The following SMYD3 variants were observed in gnomAD, a reference collection of about 807,000 sequenced individuals.
SMYD3 encodes histone-lysine N-methyltransferase SMYD3.
In SMYD3, 36 loss-of-function variants were observed where a neutral mutation model predicts 57.7. The ratio of observed to expected loss-of-function variants is 0.62; its 90% CI spans 0.48 to 0.82. SMYD3 has a LOEUF of 0.82. SMYD3 is among the 40% of genes least tolerant of loss of function. SMYD3 has a pLI of 0.00. For synonymous variants in SMYD3, 211 were observed against 195.0 expected (o/e 1.08, Z -0.68); for missense variants, 515 against 538.8 (o/e 0.96, Z 0.44).
At chr1:245,803,204 A>T (rs1048461811) in intron 10 of SMYD3, among the ~76,000 whole-genome samples, 5 of 152,212 alleles carry the variant, frequency 3.3e-5, no homozygotes, top group African/African-American at 1.2e-4. Context: ...CCTGGGATTC[A>T]GTTATGAATG....
chr1:245,942,171 GAC>G (rs1375588738), intron 5 of SMYD3, among the ~76,000 whole-genome samples: 2 of 152,250 alleles, frequency 1.3e-5, no homozygotes, highest in East Asian at 3.9e-4. Context: ...CCAATTAAAA[GAC>G]ACAGAATGGC....
chr1:245,888,923 G>A lies in SMYD3; in HGVS notation c.814-25037C>T, dbSNP rs112258267. Among the ~76,000 whole-genome samples the A allele has an allele frequency of 3.4e-3, 521 of 152,266 alleles. 4 individuals carry two copies. The highest frequency in any genetic ancestry group is 0.012 in the African/African-American group (487 of 41,540). ...TGGTCACCTACCATCCCTAATACAC[G>A]GAGCTGCATTACATACTCCCTGTAG... On this transcript the variant is annotated intron_variant, in intron 8 of 11. Transcript: ENST00000490107.
intron 10 of SMYD3, among the ~76,000 whole-genome samples, chr1:245,803,503 A>G (rs1336812298): frequency 6.6e-6 from 1 of 152,210 alleles, no homozygotes; most frequent in African/African-American, 2.4e-5. Context: ...AAAGCCCCCC[A>G]GTGGCTGGGG....
intron 5 of SMYD3, among the ~76,000 whole-genome samples, chr1:246,194,008 A>G (rs1403492297): frequency 1.3e-5 from 2 of 152,234 alleles, no homozygotes; most frequent in African/African-American, 4.8e-5. Flanking sequence ...GTTCTCTTTC[A>G]TTTGGGGGTG....
At chr1:246,139,995 G>C (rs912082219) in intron 5 of SMYD3, among the ~76,000 whole-genome samples, 10 of 152,150 alleles carry the variant, frequency 6.6e-5, no homozygotes, top group Admixed American at 5.2e-4. Context: ...CTTTCATCAA[G>C]ATATTCTTTT....
At chr1:246,003,739 TATA>T (rs1274612340) in intron 5 of SMYD3, among the ~76,000 whole-genome samples, 4 of 152,262 alleles carry the variant, frequency 2.6e-5, no homozygotes, top group Non-Finnish European at 5.9e-5. Context: ...TTAAATTTAT[TATA>T]ATATGTAATA....
chr1:246,180,296 A>T (rs953351121), intron 5 of SMYD3, among the ~76,000 whole-genome samples: 3 of 146,002 alleles, frequency 2.1e-5, no homozygotes, highest in Non-Finnish European at 4.5e-5. Flanking sequence ...ACTTATATAT[A>T]TATAAGTATA....
chr1:246,142,795 G>C (rs1047513809), intron 5 of SMYD3, among the ~76,000 whole-genome samples: 1 of 152,172 alleles, frequency 6.6e-6, no homozygotes, highest in African/African-American at 2.4e-5. Context: ...GAGAGTTCTC[G>C]TAAGTATATT....
intron 5 of SMYD3, among the ~76,000 whole-genome samples, chr1:246,097,992 A>C (rs1018706023): frequency 6.6e-6 from 1 of 152,178 alleles, no homozygotes; most frequent in Non-Finnish European, 1.5e-5. Flanking sequence ...GTTTTGTCGT[A>C]GTGTTTTTGT....
intron 5 of SMYD3, among the ~76,000 whole-genome samples, chr1:246,017,528 A>C (rs1349439935): frequency 3.3e-5 from 5 of 152,160 alleles, no homozygotes; most frequent in Non-Finnish European, 7.3e-5. Context: ...GGGTTGCTTG[A>C]TGTTTCTTCA....
chr1:245,899,127 AG>A (rs1402676806), intron 8 of SMYD3, among the ~76,000 whole-genome samples: 7 of 152,358 alleles, frequency 4.6e-5, no homozygotes, highest in African/African-American at 1.7e-4. Context: ...TGAATTTTCT[AG>A]GTTCCAAGAA....
At chr1:246,482,498 G>A (rs571788301) in intron 1 of SMYD3, among the ~76,000 whole-genome samples, 4 of 151,892 alleles carry the variant, frequency 2.6e-5, no homozygotes, top group Middle Eastern at 3.4e-3. Flanking sequence ...CCACTCTGTC[G>A]CCTTTCCTGG....
At chr1:245,787,917 C>T in intron 10 of SMYD3, among the ~76,000 whole-genome samples, 1 of 152,144 alleles carries the variant, frequency 6.6e-6, no homozygotes, top group East Asian at 1.9e-4. Flanking sequence ...TCGAACTGGG[C>T]ATTGTACTGG....
At chr1:245,763,563 T>C (rs1258940788) in intron 11 of SMYD3, among the ~76,000 whole-genome samples, 1 of 151,518 alleles carries the variant, frequency 6.6e-6, no homozygotes, top group Non-Finnish European at 1.5e-5. Context: ...TGAACAGCAG[T>C]GATCACTGGG....
At chr1:246,407,652 G>A (rs1310066560) in intron 1 of SMYD3, among the ~76,000 whole-genome samples, 1 of 151,980 alleles carries the variant, frequency 6.6e-6, no homozygotes, top group Admixed American at 6.6e-5. Context: ...GACCAGCCTG[G>A]CCAACATGGT....
At chr1:245,969,469 G>A (rs1231654826) in intron 5 of SMYD3, among the ~76,000 whole-genome samples, 1 of 152,202 alleles carries the variant, frequency 6.6e-6, no homozygotes, top group African/African-American at 2.4e-5. Context: ...CATAGCCAGG[G>A]TATTTGTCTG....
At chr1:246,279,455 A>T (rs2064401999) in intron 5 of SMYD3, among the ~76,000 whole-genome samples, 1 of 152,200 alleles carries the variant, frequency 6.6e-6, no homozygotes, top group Non-Finnish European at 1.5e-5. Context: ...CGGGAGGCGG[A>T]GGTTGCAATG....
At chr1:245,974,337 A>G (rs1457430709) in intron 5 of SMYD3, among the ~76,000 whole-genome samples, 1 of 152,342 alleles carries the variant, frequency 6.6e-6, no homozygotes, top group Non-Finnish European at 1.5e-5. Context: ...GCAGTATTAT[A>G]AAACCTTCCC....
At chr1:245,802,883 A>G (rs990876012) in intron 10 of SMYD3, among the ~76,000 whole-genome samples, 1 of 152,176 alleles carries the variant, frequency 6.6e-6, no homozygotes, top group African/African-American at 2.4e-5. Flanking sequence ...AGACTTGTTG[A>G]GGGGCTGCCA....
Sources: allele counts gnomAD v4.1 joint callset (sites outside exome capture counted in the v4.1 genomes callset), GRCh38; gene constraint gnomAD v4.1.1; transcripts MANE v1.5; gene names NCBI Gene and HGNC (gene_info 2026-07-23, HGNC 2026-07-21).